PHIP: variants seen among roughly 807,000 people sequenced by gnomAD.
The protein encoded by PHIP is PH-interacting protein.
A neutral mutation model predicts 236.8 loss-of-function variants in PHIP; 54 were observed. The observed-to-expected ratio is 0.23, with a 90% CI of 0.18 to 0.29. The LOEUF is 0.29. PHIP is among the 10% of genes least tolerant of loss of function. PHIP has a pLI of 1.00. For synonymous variants in PHIP, 756 were observed against 718.9 expected (o/e 1.05, Z -0.83); for missense variants, 1,370 against 2,190.8 (o/e 0.63, Z 7.48).
At chr6:78,985,531 ATATTTAAAATT>A in intron 21 of PHIP, 103 bp from the exon 22 acceptor site, 1 of 745,878 alleles carries the variant, frequency 1.3e-6, no homozygotes, top group Non-Finnish European at 2.4e-6. Context: ...TCATATTGGG[ATATTTAAAATT>A]TGATTTAAAT....
intron 15 of PHIP, among the ~76,000 whole-genome samples, chr6:79,014,547 T>C (rs145310309): frequency 2.6e-4 from 39 of 151,882 alleles, no homozygotes; most frequent in Middle Eastern, 3.4e-3. Context: ...TATTAAAACA[T>C]TGTAATTCAA....
At position 79,012,523 on chromosome 6, in the gene PHIP, C is replaced by T. The variant is rs7766491; in HGVS notation, c.1524+2559G>A. On this transcript the variant is annotated intron_variant, in intron 15 of 39. Transcript: ENST00000275034. ...CCAAAGCACTATATATGACTAGACCCTTCACATGGTGCTCAAAAAATATTT... is the reference window on the plus strand; with the variant it reads ...CCAAAGCACTATATATGACTAGACCTTTCACATGGTGCTCAAAAAATATTT... 3.1e-3 allele frequency among the ~76,000 whole-genome samples: 471 copies of T among 151,802 alleles called. 1 individual carries two copies. Among genetic ancestry groups the T allele is most frequent in the African/African-American group, 0.011 (437 of 41,508 alleles).
chr6:79,059,036 T>C (rs759460651), intron 6 of PHIP, among the ~76,000 whole-genome samples: 2 of 152,064 alleles, frequency 1.3e-5, no homozygotes, highest in Non-Finnish European at 2.9e-5. Context: ...AGATTATATA[T>C]TGAAATTATT....
intron 6 of PHIP, among the ~76,000 whole-genome samples, chr6:79,047,286 A>G (rs1213330006): frequency 6.6e-6 from 1 of 152,188 alleles, no homozygotes; most frequent in Non-Finnish European, 1.5e-5. Flanking sequence ...GTTCTCATCC[A>G]TTACTTCTTT....
chr6:78,973,379 G>A (rs566228132), intron 24 of PHIP, among the ~76,000 whole-genome samples: 124 of 146,024 alleles, frequency 8.5e-4, no homozygotes, highest in African/African-American at 2.4e-3. Context: ...TGAAGGAAGC[G>A]CTAAACATGG....
At chr6:79,042,812 GAATATAAA>G in intron 7 of PHIP, 23 bp downstream of exon 7, 1 of 1,475,734 alleles carries the variant, frequency 6.8e-7, no homozygotes, top group Non-Finnish European at 9.2e-7. Flanking sequence ...TTACATATAT[GAATATAAA>G]TAATACTTTA....
chr6:79,044,651 T>A lies in PHIP; in HGVS notation c.440-1648A>T, dbSNP rs112720278. Among the ~76,000 whole-genome samples, 796 of 152,282 alleles carry A rather than the reference T, an allele frequency of 5.2e-3. 11 individuals are homozygous for A. Among genetic ancestry groups the A allele is most frequent in the African/African-American group, 0.018 (751 of 41,576 alleles). Reference sequence around the variant, plus strand: ...TTGATAGTATTACCAAGGTGTACTTTAATTCCCTCTATCCAAAATTTCCAA... The same window carrying A: ...TTGATAGTATTACCAAGGTGTACTTAAATTCCCTCTATCCAAAATTTCCAA... On this transcript the variant is annotated intron_variant, in intron 6 of 39. Coordinates refer to ENST00000275034, the MANE Select transcript of PHIP (RefSeq NM_017934.7).
At chr6:79,014,505 T>C (rs964426798) in intron 15 of PHIP, among the ~76,000 whole-genome samples, 2 of 151,732 alleles carry the variant, frequency 1.3e-5, no homozygotes, top group Admixed American at 6.6e-5. Flanking sequence ...ATACAGTAAA[T>C]AGAAACACTG....
Position 78,934,619 on chromosome 6 carries a change from T to C in PHIP, c.*6074A>G, listed in dbSNP as rs1773194695. Among the ~76,000 whole-genome samples the C allele has an allele frequency of 6.6e-6, 1 of 152,186 alleles. No individual in the cohort carries two copies. The highest frequency in any genetic ancestry group is 1.5e-5 in the Non-Finnish European group (1 of 68,020). ...GCTACACATTAAATGATGTATTCTA[T>C]TTAGGGACTAAATATAAAAGCCAAA... On this transcript the variant is annotated 3_prime_UTR_variant, in exon 40 of 40. Transcript: ENST00000275034.
In PHIP at chr6:78,970,043, C is replaced by T. The variant is rs111274224; in HGVS notation, c.3122+6G>A. The T allele has an allele frequency of 1.0e-3, 1,688 of 1,613,198 alleles. 19 individuals are homozygous for T. The African/African-American group carries it at 0.02, about 19-fold the overall frequency. On this transcript the variant is annotated splice_donor_region_variant and intron_variant, in intron 26 of 39. Coordinates refer to ENST00000275034, the MANE Select transcript of PHIP (RefSeq NM_017934.7). ...GAAAACCATTGCCTCTTTCAACAGT[C>T]CTTACTTCATGGTAAATGATCCGCC...
rs1413103340 is a variant in PHIP, at chr6:79,033,689, T to C, written c.601-7525A>G. ...ATAGAGACCACTTAAACTTTCTCTA[T>C]ATCAGCAATGAGCTCTTTAACTTTC... On this transcript the variant is annotated intron_variant, in intron 7 of 39. Transcript: ENST00000275034. 1.3e-4 allele frequency among the ~76,000 whole-genome samples: 20 copies of C among 152,354 alleles called. No homozygotes were observed. The East Asian group carries it at 3.9e-3, about 29-fold the overall frequency.
At chr6:79,030,140 C>CA in intron 7 of PHIP, among the ~76,000 whole-genome samples, 1 of 152,040 alleles carries the variant, frequency 6.6e-6, no homozygotes, top group Middle Eastern at 3.4e-3. Flanking sequence ...GTAACCTCAG[C>CA]AAAAACAAAA....
At chr6:79,016,482 C>T (rs927081022) in intron 13 of PHIP, 62 bp downstream of exon 13, 1 of 956,658 alleles carries the variant, frequency 1.0e-6, no homozygotes, top group African/African-American at 1.7e-5. Context: ...AGTCACCAAC[C>T]TGCACTATAA....
chr6:78,945,073 GATTT>G (rs1426914934), intron 39 of PHIP, among the ~76,000 whole-genome samples: 8 of 151,254 alleles, frequency 5.3e-5, no homozygotes, highest in African/African-American at 7.3e-5. Context: ...AAACTTTGAA[GATTT>G]ATTTCTTTTT....
intron 20 of PHIP, among the ~76,000 whole-genome samples, chr6:78,988,592 TA>T (rs1230981431): frequency 6.6e-6 from 1 of 152,080 alleles, no homozygotes; most frequent in Non-Finnish European, 1.5e-5. Flanking sequence ...ACAACAACAA[TA>T]AAAACATTTG....
chr6:78,978,766 C>T, intron 23 of PHIP, 55 bp from the exon 24 acceptor site: 6 of 1,357,654 alleles, frequency 4.4e-6, no homozygotes, highest in East Asian at 4.7e-5. Flanking sequence ...CATTAATCCA[C>T]AAATCTACTC....
chr6:79,065,767 CA>C (rs1773591606), intron 4 of PHIP, among the ~76,000 whole-genome samples: 2 of 54,958 alleles, frequency 3.6e-5, no homozygotes, highest in Non-Finnish European at 9.1e-5. Context: ...AACTATACCA[CA>C]CACACACACA....
At chr6:78,988,514 G>A (rs1325258814) in intron 20 of PHIP, among the ~76,000 whole-genome samples, 165 bp from the exon 21 acceptor site, 1 of 152,188 alleles carries the variant, frequency 6.6e-6, no homozygotes, top group Non-Finnish European at 1.5e-5. Context: ...GTTCAAGGCT[G>A]CAGGGAGGGA....
chr6:79,074,837 A>C (rs1240039331), intron 4 of PHIP, among the ~76,000 whole-genome samples: 1 of 152,144 alleles, frequency 6.6e-6, no homozygotes, highest in East Asian at 1.9e-4. Context: ...GACTAACTAC[A>C]GATGATCAGT....
Sources: allele counts gnomAD v4.1 joint callset (sites outside exome capture counted in the v4.1 genomes callset), GRCh38; gene constraint gnomAD v4.1.1; transcripts MANE v1.5; gene names NCBI Gene and HGNC (gene_info 2026-07-23, HGNC 2026-07-21).